SLIT1: variants seen among roughly 807,000 people sequenced by gnomAD.
SLIT1 encodes slit guidance ligand 1, also known as slit homolog 1 protein.
In SLIT1, 66 loss-of-function variants were observed where a neutral mutation model predicts 186.1. That is an observed-to-expected ratio of 0.35 (90% CI 0.29 to 0.44). SLIT1 has a LOEUF of 0.44. Ranked by LOEUF, SLIT1 falls within the 20% of genes least tolerant of loss-of-function variation. The pLI, the probability that SLIT1 is intolerant of heterozygous loss-of-function variation, is 1.00. For missense variants in SLIT1, 1,638 were observed against 2,037.4 expected (o/e 0.80, Z 3.77); for synonymous variants, 761 against 833.8 (o/e 0.91, Z 1.50).
chr10:97,140,134 T>G (rs540439270), intron 4 of SLIT1, among the ~76,000 whole-genome samples: 1 of 152,248 alleles, frequency 6.6e-6, no homozygotes, highest in South Asian at 2.1e-4. Flanking sequence ...GCTCTGACCA[T>G]GGGGAGGGTG....
In SLIT1 at chr10:97,013,734, C is replaced by T; in HGVS notation, c.3203+7G>A. 7 of 1,549,630 alleles carry T rather than the reference C, an allele frequency of 4.5e-6. No homozygotes were observed. Among genetic ancestry groups the T allele is most frequent in the Non-Finnish European group, 6.1e-6 (7 of 1,145,226 alleles). ...CCTCCCTGGCCCTGGAAAGGGGCAA[C>T]ACTCACCTGGGCCCATCCGGGGTGC... On this transcript the variant is annotated splice_region_variant and intron_variant, in intron 30 of 36. Transcript: ENST00000266058.
intron 4 of SLIT1, among the ~76,000 whole-genome samples, chr10:97,132,771 T>C (rs1214099463): frequency 1.3e-5 from 2 of 152,214 alleles, no homozygotes; most frequent in African/African-American, 2.4e-5. Context: ...ATATTATACC[T>C]TGTAGACCTG....
At chr10:97,181,484 A>G (rs1850337539) in intron 1 of SLIT1, among the ~76,000 whole-genome samples, 1 of 152,216 alleles carries the variant, frequency 6.6e-6, no homozygotes, top group Non-Finnish European at 1.5e-5. Context: ...AGGGCCTCCC[A>G]GGCCTCTACA....
chr10:97,065,789 C>T, intron 5 of SLIT1: 1 of 503,740 alleles, frequency 2.0e-6, no homozygotes, highest in South Asian at 2.5e-5. Context: ...CAAGGGCCCC[C>T]TCCGTTGGCT....
chr10:97,013,692 ACT>A (rs1312579369), intron 30 of SLIT1, 47 bp downstream of exon 30: 7 of 1,363,932 alleles, frequency 5.1e-6, no homozygotes, highest in Non-Finnish European at 7.2e-6. Flanking sequence ...ATCCAGTCTG[ACT>A]CAGGGGCCTG....
chr10:97,096,240 G>A (rs893568044), intron 4 of SLIT1, among the ~76,000 whole-genome samples: 1 of 152,188 alleles, frequency 6.6e-6, no homozygotes, highest in Non-Finnish European at 1.5e-5. Flanking sequence ...TGAAATTTGA[G>A]ATGTCACTTG....
intron 4 of SLIT1, among the ~76,000 whole-genome samples, chr10:97,128,407 T>A (rs2784936): frequency 0.61 from 92,872 of 152,018 alleles, 29,010 homozygotes; most frequent in Non-Finnish European, 0.68. Flanking sequence ...GTGTGCATGC[T>A]CACACTCTCC....
intron 21 of SLIT1, among the ~76,000 whole-genome samples, chr10:97,038,376 C>T (rs957897588): frequency 2.2e-4 from 34 of 152,186 alleles, no homozygotes; most frequent in African/African-American, 8.2e-4. Flanking sequence ...CCACCCATGC[C>T]CGGGCTCCTG....
Position 97,066,041 on chromosome 10 carries a change from A to G in SLIT1, c.459T>C (p.Phe153=). 1 of 1,606,192 alleles carries G rather than the reference A, an allele frequency of 6.2e-7. No homozygotes were observed. The highest frequency in any genetic ancestry group is 1.1e-5 in the South Asian group (1 of 89,266). The part of the protein sequence containing the change: ...NAIQAIPRKA[F]RGATDLKNLQ... ...AATTTTTAAGGTCCGTAGCTCCCCG[A>G]AAAGCTTTCCTGGGGATGGCCTGGA... Residue 153 remains phenylalanine, a synonymous_variant, in exon 5 of 37, where the codon TTT becomes TTC. Coordinates refer to ENST00000266058, the MANE Select transcript of SLIT1 (RefSeq NM_003061.3).
chr10:97,026,797 A>G (rs1201000935), intron 25 of SLIT1, among the ~76,000 whole-genome samples: 1 of 152,216 alleles, frequency 6.6e-6, no homozygotes, highest in African/African-American at 2.4e-5. Context: ...TGTGCAGGGT[A>G]TTGAAGTCCA....
chr10:97,009,663 T>C (rs1564652636), intron 31 of SLIT1, among the ~76,000 whole-genome samples: 1 of 152,116 alleles, frequency 6.6e-6, no homozygotes, highest in Non-Finnish European at 1.5e-5. Context: ...ATACCCAAAT[T>C]AAACATTTTT....
At chr10:97,166,548 A>G (rs1850111442) in intron 1 of SLIT1, among the ~76,000 whole-genome samples, 1 of 65,370 alleles carries the variant, frequency 1.5e-5, no homozygotes, top group Non-Finnish European at 3.2e-5. Context: ...GGAAGGAAGG[A>G]AGGAAGGAAA....
At position 97,136,625 on chromosome 10, in the gene SLIT1, G is replaced by A. The variant is rs560035917; in HGVS notation, c.413+21193C>T. Among the ~76,000 whole-genome samples, 22 of 152,284 alleles carry A rather than the reference G, an allele frequency of 1.4e-4. No individual in the cohort carries two copies. In the East Asian group the frequency reaches 3.9e-3, roughly 27 times the overall value. On this transcript the variant is annotated intron_variant, in intron 4 of 36. Coordinates refer to ENST00000266058, the MANE Select transcript of SLIT1 (RefSeq NM_003061.3). ...AAAAAACAAACCATCTCTGCCCGGC[G>A]TTTTATAGAGTACTGATGAGCATGA...
chr10:97,163,661 TC>T (rs1375437681), intron 2 of SLIT1, among the ~76,000 whole-genome samples: 48 of 152,202 alleles, frequency 3.2e-4, no homozygotes, highest in African/African-American at 8.9e-4. Flanking sequence ...CACCATGGGC[TC>T]CTCAGGGCTC....
At chr10:97,002,391 C>T (rs768127113) in intron 35 of SLIT1, 22 bp from the exon 36 acceptor site, 39 of 1,558,966 alleles carry the variant, frequency 2.5e-5, no homozygotes, top group Admixed American at 1.6e-4. Context: ...AGAGAAAAGG[C>T]GCTGTGAGGA....
At chr10:97,182,664 G>A (rs1001230017) in intron 1 of SLIT1, among the ~76,000 whole-genome samples, 3 of 152,212 alleles carry the variant, frequency 2.0e-5, no homozygotes, top group Admixed American at 1.3e-4. Context: ...CAGAGGAAAA[G>A]TTCACATATA....
In SLIT1 at chr10:97,043,249, C is replaced by T. The variant is rs1049014584; in HGVS notation, c.1997+121G>A. On this transcript the variant is annotated intron_variant, in intron 19 of 36. Transcript: ENST00000266058. This position sits in a 1 kb window ranked among gnomAD's most constrained non-coding sequence, Gnocchi z 7.0. ...GGGAGACTTCGAAATGTGGAACCCA[C>T]GTTTCAGCAAACCACGAAGACCCAG... The T allele has an allele frequency of 1.1e-5, 16 of 1,394,600 alleles. No individual in the cohort carries two copies. Among genetic ancestry groups the T allele is most frequent in the Admixed American group, 5.6e-5 (3 of 53,206 alleles). The allele number at this position is 1,394,600 out of a possible 1,614,324, so 86.4% of individuals were successfully genotyped here. A position where few individuals can be genotyped will look rare whatever the true frequency, so the allele number is the denominator to read the frequency against.
chr10:97,014,865 CAAA>C (rs60054761), intron 28 of SLIT1, among the ~76,000 whole-genome samples: 3 of 111,614 alleles, frequency 2.7e-5, no homozygotes, highest in African/African-American at 3.2e-5. Flanking sequence ...GACTCTGTCT[CAAA>C]AAAAAAAAAA....
At chr10:97,040,368 G>A (rs1036353936) in intron 20 of SLIT1, among the ~76,000 whole-genome samples, 1 of 152,104 alleles carries the variant, frequency 6.6e-6, no homozygotes, top group African/African-American at 2.4e-5. Flanking sequence ...ACTCAAAGTG[G>A]ACCTGGTCAA....
Sources: allele counts gnomAD v4.1 joint callset (sites outside exome capture counted in the v4.1 genomes callset), GRCh38; gene constraint gnomAD v4.1.1; non-coding constraint Gnocchi (gnomAD v3.1); transcripts MANE v1.5; gene names NCBI Gene and HGNC (gene_info 2026-07-23, HGNC 2026-07-21).